Variants in PDE4D observed in about 807,000 individuals in gnomAD.
PDE4D encodes the protein phosphodiesterase 4D, also known as 3',5'-cyclic-AMP phosphodiesterase 4D.
In PDE4D, 24 loss-of-function variants were observed where a neutral mutation model predicts 87.4. The observed-to-expected ratio is 0.27, with a 90% CI of 0.20 to 0.39. The LOEUF is 0.39. Among genes scored for constraint, PDE4D ranks in the 10% least tolerant of loss-of-function variants. PDE4D has a pLI of 1.00. For missense variants in PDE4D, 714 were observed against 1,041.0 expected, an observed-to-expected ratio of 0.69 and a Z score of 4.32; for synonymous variants, 384 against 383.2, an observed-to-expected ratio of 1.00 and a Z score of -0.02.
At chr5:60,457,503 T>C (rs1746566793) in intron 1 of PDE4D, among the ~76,000 whole-genome samples, 2 of 152,350 alleles carry the variant, frequency 1.3e-5, no homozygotes, top group South Asian at 4.1e-4. Flanking sequence ...CATGTGCTTC[T>C]GCTACCTCAG....
intron 1 of PDE4D, among the ~76,000 whole-genome samples, chr5:60,332,532 T>C (rs1757395456): frequency 6.6e-6 from 1 of 152,238 alleles, no homozygotes; most frequent in East Asian, 1.9e-4. Flanking sequence ...ATTGTTTTTA[T>C]GTCTGCATAG....
intron 1 of PDE4D, among the ~76,000 whole-genome samples, chr5:59,254,384 GA>G (rs1760558125): frequency 6.6e-6 from 1 of 152,002 alleles, no homozygotes; most frequent in Admixed American, 6.6e-5. Flanking sequence ...TTTAGAGTAA[GA>G]GCTAAATGTC....
At chr5:59,691,719 T>TAAA (rs34034249) in intron 1 of PDE4D, among the ~76,000 whole-genome samples, 3 of 148,102 alleles carry the variant, frequency 2.0e-5, no homozygotes, top group African/African-American at 7.4e-5. Flanking sequence ...TAAAGTATAA[T>TAAA]AAAAAAAAAA....
chr5:59,766,236 T>C (rs1169972404), intron 1 of PDE4D, among the ~76,000 whole-genome samples: 2 of 152,224 alleles, frequency 1.3e-5, no homozygotes, highest in Non-Finnish European at 2.9e-5. Flanking sequence ...CCAACTCCCT[T>C]GCCTGATAGT....
At chr5:60,003,957 G>C (rs77697154) in intron 2 of PDE4D, among the ~76,000 whole-genome samples, 3,898 of 152,122 alleles carry the variant, frequency 0.026, 169 homozygotes, top group African/African-American at 0.09. Flanking sequence ...AAATGTTCCT[G>C]GGAAAACTGG....
intron 5 of PDE4D, among the ~76,000 whole-genome samples, chr5:59,139,628 C>T (rs190653784): frequency 1.3e-3 from 200 of 151,850 alleles, no homozygotes; most frequent in Non-Finnish European, 1.9e-3. Context: ...TACTGCCATG[C>T]CAATTTTTTT....
chr5:59,428,078 C>T (rs1795570033), intron 1 of PDE4D, among the ~76,000 whole-genome samples: 1 of 152,098 alleles, frequency 6.6e-6, no homozygotes, highest in Non-Finnish European at 1.5e-5. Flanking sequence ...GTCTTCATTG[C>T]TGCTCTTGAA....
chr5:60,397,167 A>G (rs1283944877), intron 1 of PDE4D, among the ~76,000 whole-genome samples: 1 of 152,240 alleles, frequency 6.6e-6, no homozygotes, highest in East Asian at 1.9e-4. Context: ...AATATGGAAA[A>G]AAGGGAACAT....
At chr5:59,711,545 G>A (rs1421630454) in intron 1 of PDE4D, among the ~76,000 whole-genome samples, 1 of 152,042 alleles carries the variant, frequency 6.6e-6, no homozygotes, top group Non-Finnish European at 1.5e-5. Flanking sequence ...CTAGGATTGA[G>A]TTTCTGTGGT....
At chr5:60,473,770 C>T (rs1287616926) in intron 1 of PDE4D, among the ~76,000 whole-genome samples, 2 of 151,684 alleles carry the variant, frequency 1.3e-5, no homozygotes, top group African/African-American at 4.8e-5. Context: ...TATGCTTTCA[C>T]CTCTGTCATT....
rs905457989 is a variant in PDE4D, at chr5:60,071,181, G to A, written c.43-82464C>T. ...TTTTTCTATTATTTTTGAATTTTCC[G>A]TTTCATGTATTTCTGCTCAAATCTT... is the stretch of plus-strand genomic sequence containing the variant. On this transcript the variant is annotated intron_variant, in intron 2 of 16. Coordinates refer to the PDE4D transcript ENST00000502484. 7.9e-5 allele frequency among the ~76,000 whole-genome samples: 12 copies of A among 151,388 alleles called. No individual in the cohort carries two copies. The South Asian group carries it at 1.9e-3, about 24-fold the overall frequency.
intron 1 of PDE4D, among the ~76,000 whole-genome samples, chr5:59,477,229 T>A (rs139678165): frequency 0.016 from 2,411 of 151,860 alleles, 80 homozygotes; most frequent in African/African-American, 0.056. Context: ...AGCTATTACA[T>A]TGATTTTACT....
intron 5 of PDE4D, among the ~76,000 whole-genome samples, chr5:59,151,231 A>G (rs1779436698): frequency 6.6e-6 from 1 of 152,152 alleles, no homozygotes; most frequent in Non-Finnish European, 1.5e-5. Flanking sequence ...GTAGCTTGGG[A>G]ATCTGGAATC....
intron 1 of PDE4D, among the ~76,000 whole-genome samples, chr5:60,483,884 T>G (rs753473807): frequency 5.9e-5 from 9 of 152,344 alleles, no homozygotes; most frequent in Admixed American, 1.3e-4. Flanking sequence ...AATGGGGAAC[T>G]GCTTTAGCAT....
At chr5:59,227,420 A>AG (rs956638303) in intron 1 of PDE4D, among the ~76,000 whole-genome samples, 1 of 125,184 alleles carries the variant, frequency 8.0e-6, no homozygotes, top group Non-Finnish European at 1.6e-5. Context: ...GCTTCTGCAC[A>AG]GGAAAAAAAA....
At chr5:59,404,155 A>AT (rs1213610411) in intron 1 of PDE4D, among the ~76,000 whole-genome samples, 1 of 151,958 alleles carries the variant, frequency 6.6e-6, no homozygotes, top group Non-Finnish European at 1.5e-5. Flanking sequence ...GGATTATCAG[A>AT]TTTTTTTTCC....
intron 2 of PDE4D, among the ~76,000 whole-genome samples, chr5:60,011,456 T>A (rs1376464285): frequency 1.3e-5 from 2 of 152,134 alleles, no homozygotes; most frequent in African/African-American, 4.8e-5. Context: ...TGACTGTTAT[T>A]CGTGAGTGCT....
chr5:60,221,465 GT>G (rs1744490625), intron 1 of PDE4D, among the ~76,000 whole-genome samples: 1 of 151,672 alleles, frequency 6.6e-6, no homozygotes. Flanking sequence ...TGTCTTTCAT[GT>G]TCCTTGGATT....
intron 1 of PDE4D, among the ~76,000 whole-genome samples, chr5:59,291,732 AAAG>A (rs993727318): frequency 8.5e-6 from 1 of 117,748 alleles, no homozygotes; most frequent in Non-Finnish European, 1.8e-5. Context: ...AAAAAAGTAA[AAAG>A]AAGTTTTTTT....
Sources: allele counts gnomAD v4.1 joint callset (sites outside exome capture counted in the v4.1 genomes callset), GRCh38; gene constraint gnomAD v4.1.1; transcripts MANE v1.5; gene names NCBI Gene and HGNC (gene_info 2026-07-23, HGNC 2026-07-21).